Variants in ATF3 observed in about 807,000 individuals in gnomAD.
ATF3 encodes the protein cyclic AMP-dependent transcription factor ATF-3.
Under a neutral mutation model 18.4 loss-of-function variants are expected in ATF3, and 10 were observed. The observed-to-expected ratio is 0.54, with a 90% CI of 0.34 to 0.92. The LOEUF (loss-of-function observed/expected upper bound fraction) is 0.92. Ranked by LOEUF, ATF3 falls within the 40% of genes least tolerant of loss-of-function variation. The pLI, the probability that ATF3 is intolerant of heterozygous loss-of-function variation, is 0.02. For missense variants in ATF3, 183 were observed against 222.3 expected (o/e 0.82, Z 1.12); for synonymous variants, 78 against 87.9 (o/e 0.89, Z 0.63).
In ATF3 at chr1:212,618,650, C is replaced by T. The variant is rs956138534; in HGVS notation, c.348+416C>T. The T allele has an allele frequency of 5.0e-6, 2 of 401,006 alleles. No individual in the cohort carries two copies. Among genetic ancestry groups the T allele is most frequent in the Non-Finnish European group, 9.3e-6 (2 of 215,526 alleles). The allele number at this position is 401,006 out of a possible 1,614,324, so 24.8% of individuals were successfully genotyped here. On this transcript the variant is annotated intron_variant, in intron 3 of 3. Transcript: ENST00000341491. This position sits in a 1 kb window ranked among gnomAD's most constrained non-coding sequence, Gnocchi z 4.4. Reference sequence around the variant, plus strand: ...TCAAACAAGTTATTTCCTTAATCCACAAGCAGTGGTTACACTTGCTTTGCA... The same window carrying T: ...TCAAACAAGTTATTTCCTTAATCCATAAGCAGTGGTTACACTTGCTTTGCA...
chr1:212,593,897 C>A (rs1664940953), intron 1 of ATF3, among the ~76,000 whole-genome samples: 1 of 152,094 alleles, frequency 6.6e-6, no homozygotes, highest in Non-Finnish European at 1.5e-5. Flanking sequence ...CCCCAAAGTC[C>A]CTGTTCAATC....
chr1:212,618,811 T>C lies in ATF3; in HGVS notation c.349-547T>C. 5.0e-6 allele frequency: 3 copies of C among 597,640 alleles called. No homozygotes were observed. Among genetic ancestry groups the C allele is most frequent in the South Asian group, 3.9e-5 (2 of 50,860 alleles). 37.0% of individuals were successfully genotyped at this position (597,640 alleles called of 1,614,324 possible). A position where few individuals can be genotyped will look rare whatever the true frequency, so the allele number is the denominator to read the frequency against. ...TGTGGGCAAGCAGGGTGGCCGGTGGTGCTCAGCAGTCTTTCCAGTGGCTGT... is the reference window on the plus strand; with the variant it reads ...TGTGGGCAAGCAGGGTGGCCGGTGGCGCTCAGCAGTCTTTCCAGTGGCTGT... On this transcript the variant is annotated intron_variant, in intron 3 of 3. Transcript: ENST00000341491. The surrounding 1 kb of genome is among the most constrained non-coding windows in gnomAD (Gnocchi z 4.4).
chr1:212,570,837 G>A (rs1210667622), intron 1 of ATF3, among the ~76,000 whole-genome samples: 2 of 152,198 alleles, frequency 1.3e-5, no homozygotes, highest in Non-Finnish European at 2.9e-5. Context: ...ATTATAGTAT[G>A]TCTATATGAC....
intron 1 of ATF3, among the ~76,000 whole-genome samples, chr1:212,596,924 C>T (rs1665005211): frequency 6.6e-6 from 1 of 152,222 alleles, no homozygotes; most frequent in African/African-American, 2.4e-5. Context: ...AGTGTGGAGC[C>T]TCTTTCTGTC....
chr1:212,606,174 T>C (rs1421265666), upstream of ATF3, among the ~76,000 whole-genome samples: 1 of 152,206 alleles, frequency 6.6e-6, no homozygotes, highest in Non-Finnish European at 1.5e-5. Context: ...AGTCTCTCAA[T>C]TCAGCAGGCA....
chr1:212,615,292 G>A (rs749782958), intron 2 of ATF3, 31 bp downstream of exon 2: 47 of 1,609,268 alleles, frequency 2.9e-5, no homozygotes, highest in South Asian at 1.5e-4. Context: ...TCATTCTTTC[G>A]GCACATGTTT....
At chr1:212,589,959 A>G (rs1436154138) in intron 1 of ATF3, among the ~76,000 whole-genome samples, 2 of 152,164 alleles carry the variant, frequency 1.3e-5, no homozygotes, top group Admixed American at 1.3e-4. Flanking sequence ...AGGATGTAAC[A>G]GTGAAGCTGA....
intron 1 of ATF3, chr1:212,613,623 C>T (rs1571790155): frequency 6.6e-6 from 1 of 152,208 alleles, no homozygotes; most frequent in African/African-American, 2.4e-5. Flanking sequence ...CTTAAATGTT[C>T]GAGACTTGCC....
chr1:212,588,727 A>G (rs567951300), intron 1 of ATF3, among the ~76,000 whole-genome samples: 86 of 152,236 alleles, frequency 5.6e-4, no homozygotes, highest in African/African-American at 2.0e-3. Flanking sequence ...TTTTCACTGT[A>G]TCTTCTCCAT....
intron 1 of ATF3, among the ~76,000 whole-genome samples, chr1:212,568,729 T>C (rs1010353861): frequency 6.6e-6 from 1 of 152,176 alleles, no homozygotes; most frequent in African/African-American, 2.4e-5. Context: ...AGGCCGATTC[T>C]CCGATGGGGG....
chr1:212,600,495 G>T (rs1654451264), intron 1 of ATF3, among the ~76,000 whole-genome samples: 3 of 152,210 alleles, frequency 2.0e-5, no homozygotes, highest in African/African-American at 7.2e-5. Context: ...TCTGGCATGT[G>T]CCTGGAACTG....
intron 1 of ATF3, among the ~76,000 whole-genome samples, chr1:212,593,706 A>T (rs554057049): frequency 6.2e-4 from 92 of 147,434 alleles, no homozygotes; most frequent in African/African-American, 2.3e-3. Flanking sequence ...GCCCTAATGC[A>T]CTCCAGCCTG....
chr1:212,576,955 T>C (rs1397519194), intron 1 of ATF3, among the ~76,000 whole-genome samples: 1 of 151,844 alleles, frequency 6.6e-6, no homozygotes, highest in Non-Finnish European at 1.5e-5. Context: ...ATGGTCTCCA[T>C]CTCTTGACCT....
At chr1:212,593,740 C>G (rs1257725503) in intron 1 of ATF3, among the ~76,000 whole-genome samples, 1 of 71,896 alleles carries the variant, frequency 1.4e-5, no homozygotes, top group Non-Finnish European at 2.4e-5. Context: ...GACCCTGTCT[C>G]TTTAAAAAAA....
At chr1:212,594,507 TAA>T (rs1479390752) in intron 1 of ATF3, among the ~76,000 whole-genome samples, 1 of 152,186 alleles carries the variant, frequency 6.6e-6, no homozygotes, top group African/African-American at 2.4e-5. Context: ...GTGTCAGATT[TAA>T]AAAGTCACTC....
chr1:212,574,281 ACTG>A (rs1420399937), intron 1 of ATF3, among the ~76,000 whole-genome samples: 1 of 151,674 alleles, frequency 6.6e-6, no homozygotes, highest in Admixed American at 6.5e-5. Context: ...TTATCTTCTA[ACTG>A]CTATGTTCTT....
intron 1 of ATF3, among the ~76,000 whole-genome samples, chr1:212,587,075 G>A (rs1664793176): frequency 6.6e-6 from 1 of 152,152 alleles, no homozygotes; most frequent in African/African-American, 2.4e-5. Flanking sequence ...CTCTTAAAGT[G>A]GAATGGGTGA....
intron 1 of ATF3, among the ~76,000 whole-genome samples, chr1:212,585,716 G>A (rs1664767676): frequency 6.6e-6 from 1 of 152,162 alleles, no homozygotes; most frequent in Non-Finnish European, 1.5e-5. Context: ...TCAGCCAAAT[G>A]AAGGGTTACA....
At chr1:212,574,883 C>G (rs530191558) in intron 1 of ATF3, among the ~76,000 whole-genome samples, 2 of 152,108 alleles carry the variant, frequency 1.3e-5, no homozygotes, top group African/African-American at 4.8e-5. Context: ...CTACCACAAT[C>G]TTTTCAATAA....
Sources: gnomAD v4.1 joint callset for allele counts (sites outside exome capture counted in the v4.1 genomes callset) on GRCh38, gnomAD v4.1.1 for gene constraint, Gnocchi (gnomAD v3.1) non-coding constraint, MANE v1.5 for transcripts, NCBI Gene and HGNC (gene_info 2026-07-23, HGNC 2026-07-21) for gene names.